Variants in ADGB observed in about 807,000 individuals in gnomAD.
ADGB encodes the protein calpain-7-like protein.
Under a neutral mutation model 210.5 loss-of-function variants are expected in ADGB, and 172 were observed. That is an observed-to-expected ratio of 0.82 (90% CI 0.72 to 0.93). The LOEUF (loss-of-function observed/expected upper bound fraction) is 0.93, where lower values mean the gene tolerates loss of function less well. Ranked by LOEUF, ADGB falls within the 40% of genes least tolerant of loss-of-function variation. The probability of loss-of-function intolerance (pLI) is 0.00; values close to 1 mark genes in which losing one functional copy is unlikely to be tolerated. For synonymous variants in ADGB, 658 were observed against 662.7 expected (o/e 0.99, Z 0.11); for missense variants, 2,025 against 1,964.8 (o/e 1.03, Z -0.58).
chr6:146,758,008 T>C (rs1000358170), intron 27 of ADGB, among the ~76,000 whole-genome samples: 1 of 152,062 alleles, frequency 6.6e-6, no homozygotes, highest in Non-Finnish European at 1.5e-5. Flanking sequence ...ACTATATTAG[T>C]AGGGTTGAGC....
At chr6:146,613,730 T>C (rs1780744669) in intron 1 of ADGB, among the ~76,000 whole-genome samples, 1 of 152,140 alleles carries the variant, frequency 6.6e-6, no homozygotes, top group South Asian at 2.1e-4. Flanking sequence ...CCTTAAAGAT[T>C]TTTACCTCTT....
At chr6:146,671,591 GATTT>G (rs1776009288) in intron 7 of ADGB, among the ~76,000 whole-genome samples, 1 of 152,130 alleles carries the variant, frequency 6.6e-6, no homozygotes, top group South Asian at 2.1e-4. Context: ...TGGAACTAAT[GATTT>G]AGAGGTGACA....
At chr6:146,675,774 C>T (rs1238950732) in intron 8 of ADGB, among the ~76,000 whole-genome samples, 1 of 152,092 alleles carries the variant, frequency 6.6e-6, no homozygotes, top group Non-Finnish European at 1.5e-5. Flanking sequence ...TGGTGGGAAT[C>T]GTTCTGGATA....
intron 29 of ADGB, chr6:146,770,532 G>T (rs764718956): frequency 4.3e-6 from 2 of 464,520 alleles, no homozygotes; most frequent in South Asian, 1.6e-5. Flanking sequence ...TCTCATCATT[G>T]CATCTCTAGC....
In ADGB at chr6:146,717,034, A is replaced by G. The variant is rs541136694; in HGVS notation, c.1893A>G (p.Ile631Met). The change falls in exon 15 of 36, where the codon ATA becomes ATG. Residue 631 changes from isoleucine (I) to methionine (M), a missense_variant. By Grantham distance (10) the Ile-to-Met change is conservative (BLOSUM62 1). Transcript: ENST00000397944. ...PTTNNSVSKE[I>M]WLDFEDFCVC... The stretch of plus-strand genomic sequence containing the variant: ...CAAATAATAGTGTTTCTAAAGAAAT[A>G]TGGTTAGATTTTGAAGATTTCTGTG... 8.2e-5 allele frequency: 127 copies of G among 1,551,454 alleles called. No homozygotes were observed. The highest frequency in any genetic ancestry group is 1.1e-4 in the Non-Finnish European group (121 of 1,146,878).
At chr6:146,724,525 C>T (rs1017777622) in intron 18 of ADGB, 198 bp downstream of exon 18, 6 of 402,646 alleles carry the variant, frequency 1.5e-5, no homozygotes, top group Non-Finnish European at 2.1e-5. Context: ...AATGAATATC[C>T]CTTTGGGAGA....
At chr6:146,621,107 C>CTTAGA (rs1780886770) in intron 1 of ADGB, among the ~76,000 whole-genome samples, 2 of 152,130 alleles carry the variant, frequency 1.3e-5, no homozygotes, top group South Asian at 4.1e-4. Context: ...AAAACTTAAA[C>CTTAGA]TTAGACCCAT....
At chr6:146,678,139 T>C (rs1444220861) in intron 9 of ADGB, among the ~76,000 whole-genome samples, 1 of 152,182 alleles carries the variant, frequency 6.6e-6, no homozygotes, top group Non-Finnish European at 1.5e-5. Flanking sequence ...GTAAAGGAGA[T>C]AATGGATAGA....
chr6:146,635,479 AG>A lies in ADGB; in HGVS notation c.180del (p.Lys60AsnfsTer36). ...AGTGAAGCTGACATAAATTCAGAAA[AG>A]TGGGATGCAGGCAAAGGTGCAAAAG... ...EWSEADINSE[K>X]WDAGKGAKEK... On this transcript the variant is annotated frameshift_variant, in exon 2 of 36. Coordinates refer to ENST00000397944, the MANE Select transcript of ADGB (RefSeq NM_024694.4). LOFTEE classifies it high-confidence loss of function. 1 of 1,548,936 alleles carries A rather than the reference AG, an allele frequency of 6.5e-7. No individual in the cohort carries two copies. Among genetic ancestry groups the A allele is most frequent in the Non-Finnish European group, 8.7e-7 (1 of 1,145,426 alleles).
At chr6:146,669,141 C>T (rs1280084087) in intron 7 of ADGB, among the ~76,000 whole-genome samples, 2 of 152,066 alleles carry the variant, frequency 1.3e-5, no homozygotes, top group South Asian at 4.1e-4. Flanking sequence ...ACTTAACAAC[C>T]TCTTAAACAT....
chr6:146,747,354 G>A lies in ADGB; in HGVS notation c.3365+1245G>A, dbSNP rs1011615426. ...TTAACTACTATGATAGAAAACTATCGTATCACATGGCAGGGCCACTAATAG... is the reference window on the plus strand; with the variant it reads ...TTAACTACTATGATAGAAAACTATCATATCACATGGCAGGGCCACTAATAG... On this transcript the variant is annotated intron_variant, in intron 26 of 35. Transcript: ENST00000397944. Among the ~76,000 whole-genome samples, 8 of 152,214 alleles carry A rather than the reference G, an allele frequency of 5.3e-5. No individual in the cohort carries two copies. In the South Asian group the frequency reaches 1.2e-3, roughly 24 times the overall value.
chr6:146,666,732 G>A (rs958490559), intron 6 of ADGB, 84 bp from the exon 7 acceptor site: 17 of 800,086 alleles, frequency 2.1e-5, no homozygotes, highest in Non-Finnish European at 3.2e-5. Context: ...ATATATTGCT[G>A]TTTATTAATG....
At chr6:146,706,560 A>G (rs1001827973) in intron 13 of ADGB, among the ~76,000 whole-genome samples, 2 of 152,010 alleles carry the variant, frequency 1.3e-5, no homozygotes, top group African/African-American at 4.8e-5. Context: ...TTTTATTACT[A>G]ATGTAATCCC....
chr6:146,799,614 A>G (rs1165272454), intron 33 of ADGB, among the ~76,000 whole-genome samples: 2 of 139,586 alleles, frequency 1.4e-5, no homozygotes, highest in African/African-American at 2.6e-5. Flanking sequence ...GAGGAAGGGA[A>G]GAAAGGGAGG....
At chr6:146,631,764 G>A (rs1318395412) in intron 1 of ADGB, among the ~76,000 whole-genome samples, 1 of 152,048 alleles carries the variant, frequency 6.6e-6, no homozygotes, top group African/African-American at 2.4e-5. Flanking sequence ...GTACTGAGTA[G>A]TATAAAAATG....
chr6:146,685,513 A>G (rs1049496865), intron 9 of ADGB, among the ~76,000 whole-genome samples: 1 of 152,072 alleles, frequency 6.6e-6, no homozygotes, highest in East Asian at 1.9e-4. Flanking sequence ...AAGGTCTTAA[A>G]TTATTAAATA....
intron 9 of ADGB, among the ~76,000 whole-genome samples, chr6:146,679,427 A>T (rs1776128289): frequency 6.6e-6 from 1 of 152,174 alleles, no homozygotes; most frequent in East Asian, 1.9e-4. Context: ...CACATCTCTC[A>T]TCTACTCTTG....
chr6:146,605,214 A>T lies in ADGB; in HGVS notation c.74+6100A>T, dbSNP rs73588040. On this transcript the variant is annotated intron_variant, in intron 1 of 35. Coordinates refer to ENST00000397944, the MANE Select transcript of ADGB (RefSeq NM_024694.4). ...CTGGATTAGGAATCAAGGTAGCAAG[A>T]AATAGTGATGGTCTGAGATAATGGG... Among the ~76,000 whole-genome samples, 905 of 152,304 alleles carry T rather than the reference A, an allele frequency of 5.9e-3. 10 individuals carry two copies. Among genetic ancestry groups the T allele is most frequent in the African/African-American group, 0.02 (824 of 41,578 alleles).
chr6:146,691,433 TATATATATAA>T (rs1562275502), intron 11 of ADGB, 143 bp downstream of exon 11: 7 of 28,486 alleles, frequency 2.5e-4, no homozygotes, highest in African/African-American at 1.7e-3. Context: ...TATATATATA[TATATATATAA>T]AAATATATAT....
Sources: gnomAD v4.1 joint callset for allele counts (sites outside exome capture counted in the v4.1 genomes callset) on GRCh38, gnomAD v4.1.1 for gene constraint, MANE v1.5 for transcripts, NCBI Gene and HGNC (gene_info 2026-07-23, HGNC 2026-07-21) for gene names.